The following HAL variants were observed in gnomAD, a reference collection of about 807,000 sequenced individuals.
The protein encoded by HAL is histidine ammonia-lyase, also known as histidase.
HAL carries 85 observed loss-of-function variants against 81.1 expected under a neutral mutation model. That is an observed-to-expected ratio of 1.05 (90% confidence interval 0.88 to 1.25). The LOEUF (loss-of-function observed/expected upper bound fraction) is 1.25. Ranked by LOEUF, HAL falls within the 50% of genes most tolerant of loss-of-function variation. The pLI, the probability that HAL is intolerant of heterozygous loss-of-function variation, is 0.00. For missense variants in HAL, 798 were observed against 836.6 expected (o/e 0.95, Z 0.57); for synonymous variants, 301 against 309.2 (o/e 0.97, Z 0.28).
intron 12 of HAL, 37 bp downstream of exon 12, chr12:95,987,030 T>C: frequency 6.3e-7 from 1 of 1,586,906 alleles, no homozygotes; most frequent in South Asian, 1.1e-5. Flanking sequence ...CACCTCTGGT[T>C]GAATGAATAA....
chr12:95,981,711 T>C (rs1057224230), intron 15 of HAL, among the ~76,000 whole-genome samples: 2 of 152,186 alleles, frequency 1.3e-5, no homozygotes, highest in African/African-American at 4.8e-5. Context: ...CAGCCCACCT[T>C]GGCCTCCCAA....
Position 95,978,024 on chromosome 12 carries a change from C to G in HAL, c.1574G>C (p.Ser525Thr). ...HPSSVDSLST[S>T]AATEDHVSMG... is the part of the protein sequence containing the mutation. The stretch of plus-strand genomic sequence containing the variant: ...GGAGACGTGGTCCTCCGTGGCTGCG[C>G]TGGTGGAGAGGGAGTCAACAGACGA... Residue 525 changes from serine (S) to threonine (T), a missense_variant, in exon 18 of 21, where the codon AGC becomes ACC. Physicochemically the swap from Ser to Thr is moderately conservative, Grantham distance 58. Transcript: ENST00000261208. 1 of 1,613,526 alleles carries G rather than the reference C, an allele frequency of 6.2e-7. No individual in the cohort carries two copies. Among genetic ancestry groups the G allele is most frequent in the Non-Finnish European group, 8.5e-7 (1 of 1,179,390 alleles).
At position 95,986,045 on chromosome 12, in the gene HAL, T is replaced by G; in HGVS notation, c.1147+20A>C. 1.3e-6 allele frequency: 2 copies of G among 1,579,298 alleles called. No homozygotes were observed. The highest frequency in any genetic ancestry group is 1.7e-6 in the Non-Finnish European group (2 of 1,148,324). Reference sequence around the variant, plus strand: ...CAAAACACGTAACCAAATAGGTCACTCCCATAAACATGGTCAGACCTGCTA... The same window carrying G: ...CAAAACACGTAACCAAATAGGTCACGCCCATAAACATGGTCAGACCTGCTA... On this transcript the variant is annotated intron_variant, in intron 13 of 20. Transcript: ENST00000261208.
Position 95,992,755 on chromosome 12 carries a change from T to G in HAL, c.640A>C (p.Arg214=), listed in dbSNP as rs1949987338. 1 of 1,612,796 alleles carries G rather than the reference T, an allele frequency of 6.2e-7. No homozygotes were observed. The highest frequency in any genetic ancestry group is 2.2e-5 in the East Asian group (1 of 44,878). Reference sequence around the variant, plus strand: ...TATCCTTTGGCTAAGACATTGATCCTTAAAGCCAAGAGCATCCGACACCTC... The same window carrying G: ...TATCCTTTGGCTAAGACATTGATCCGTAAAGCCAAGAGCATCCGACACCTC... ...PERCRMLLAL[R]INVLAKGYSG... Residue 214 remains arginine, a synonymous_variant, in exon 9 of 21, where the codon AGG becomes CGG. Coordinates refer to ENST00000261208, the MANE Select transcript of HAL (RefSeq NM_002108.4).
chr12:95,995,639 G>A, intron 2 of HAL, 25 bp downstream of exon 2: 1 of 1,611,926 alleles, frequency 6.2e-7, no homozygotes, highest in Non-Finnish European at 8.5e-7. Flanking sequence ...GCACCCGTTC[G>A]CGGCCCTCTC....
In HAL at chr12:95,979,117, A is replaced by G. The variant is rs373123986; in HGVS notation, c.1520-1039T>C. ...ACACTAATTTTACTACAATGAAAGCAAGCCAAACAACCTCAATAGGCAGCT... is the reference window on the plus strand; with the variant it reads ...ACACTAATTTTACTACAATGAAAGCGAGCCAAACAACCTCAATAGGCAGCT... On this transcript the variant is annotated intron_variant, in intron 17 of 20. Coordinates refer to ENST00000261208, the MANE Select transcript of HAL (RefSeq NM_002108.4). Among the ~76,000 whole-genome samples, 54 of 152,378 alleles carry G rather than the reference A, an allele frequency of 3.5e-4. 1 individual carries two copies. The South Asian group carries it at 7.0e-3, about 20-fold the overall frequency.
intron 19 of HAL, 38 bp downstream of exon 19, chr12:95,976,560 T>C (rs1197418309): frequency 6.3e-7 from 1 of 1,591,206 alleles, no homozygotes; most frequent in Non-Finnish European, 8.6e-7. Flanking sequence ...TTCACAGTGC[T>C]GAACTGATGT....
intron 15 of HAL, 186 bp downstream of exon 15, chr12:95,983,725 C>T (rs1949840556): frequency 1.6e-6 from 1 of 626,762 alleles, no homozygotes; most frequent in Non-Finnish European, 2.9e-6. Context: ...TCACAGGTCA[C>T]CTCTGCCACT....
chr12:95,992,457 AG>A (rs148372080), intron 9 of HAL, among the ~76,000 whole-genome samples: 3,492 of 152,336 alleles, frequency 0.023, 128 homozygotes, highest in African/African-American at 0.08. Flanking sequence ...TGCTAGGGAA[AG>A]GGTCTTGCAG....
At position 95,995,849 on chromosome 12, in the gene HAL, T is replaced by C. The variant is rs1287529711; in HGVS notation, c.62A>G (p.Gln21Arg). ...EWLAVPCQDA[Q>R]LTVGWLGREA... ...CCGGCCCAGCCAGCCCACAGTGAGCTGCGCGTCCTGGCAGGGCACTGCCAG... is the reference window on the plus strand; with the variant it reads ...CCGGCCCAGCCAGCCCACAGTGAGCCGCGCGTCCTGGCAGGGCACTGCCAG... The change falls in exon 2 of 21, where the codon CAG (glutamine) becomes CGG (arginine). Residue 21 changes from glutamine (Q) to arginine (R), a missense_variant. Coordinates refer to ENST00000261208, the MANE Select transcript of HAL (RefSeq NM_002108.4). 1 of 1,610,244 alleles carries C rather than the reference T, an allele frequency of 6.2e-7. No individual in the cohort carries two copies. Among genetic ancestry groups the C allele is most frequent in the East Asian group, 2.2e-5 (1 of 44,884 alleles).
chr12:95,988,132 G>T, intron 11 of HAL, 61 bp downstream of exon 11: 1 of 853,792 alleles, frequency 1.2e-6, no homozygotes, highest in Non-Finnish European at 2.0e-6. Context: ...GATTAAAACT[G>T]AAAATACTGC....
chr12:95,974,767 T>G (rs1320519011), intron 20 of HAL, among the ~76,000 whole-genome samples: 1 of 151,954 alleles, frequency 6.6e-6, no homozygotes, highest in African/African-American at 2.4e-5. Flanking sequence ...TGAGACAGAG[T>G]CTCACTCTGT....
Position 95,995,248 on chromosome 12 carries a change from A to G in HAL, c.248-255T>C, listed in dbSNP as rs922577446. The stretch of plus-strand genomic sequence containing the variant: ...GAATTCCACTTCCATCCCCATTCCC[A>G]GCTTTATTTTCTTCAAAATCTGAAC... On this transcript the variant is annotated intron_variant, in intron 2 of 20. Coordinates refer to ENST00000261208, the MANE Select transcript of HAL (RefSeq NM_002108.4). 6.8e-6 allele frequency: 4 copies of G among 588,920 alleles called. No individual in the cohort carries two copies. In the African/African-American group the frequency reaches 7.5e-5, roughly 11 times the overall value. 36.5% of individuals were successfully genotyped at this position (588,920 alleles called of 1,614,324 possible).
Position 95,980,781 on chromosome 12 carries a change from A to T in HAL, c.1353+17T>A. ...GAAATGTGCCTTCTGGGTCAGGAGCAGTTTTAAAAAGCTTACTTTGGCTGG... is the reference window on the plus strand; with the variant it reads ...GAAATGTGCCTTCTGGGTCAGGAGCTGTTTTAAAAAGCTTACTTTGGCTGG... On this transcript the variant is annotated intron_variant, in intron 16 of 20. Coordinates refer to ENST00000261208, the MANE Select transcript of HAL (RefSeq NM_002108.4). The T allele has an allele frequency of 6.3e-7, 1 of 1,589,232 alleles. No individual in the cohort carries two copies. The highest frequency in any genetic ancestry group is 8.6e-7 in the Non-Finnish European group (1 of 1,157,642).
rs1242202740 is a variant in HAL, at chr12:95,990,547, G to T, written c.716-15C>A. ...CAGGCAGGAGGCTGGGAGAGAAGTA[G>T]GCAGCAATTAGTTCAAGAGTACTGC... On this transcript the variant is annotated splice_polypyrimidine_tract_variant and intron_variant, in intron 9 of 20. Coordinates refer to ENST00000261208, the MANE Select transcript of HAL (RefSeq NM_002108.4). 1.2e-6 allele frequency: 2 copies of T among 1,611,732 alleles called. No individual in the cohort carries two copies. The highest frequency in any genetic ancestry group is 3.3e-5 in the Admixed American group (2 of 60,026).
At chr12:95,995,201 G>A (rs775762365) in intron 2 of HAL, 61 of 618,242 alleles carry the variant, frequency 9.9e-5, no homozygotes, top group South Asian at 2.3e-4. Flanking sequence ...GAGACCAGGG[G>A]TTTAGATGAA....
Position 95,986,178 on chromosome 12 carries a change from GA to G in HAL, c.1052-19del. 1 of 1,312,130 alleles carries G rather than the reference GA, an allele frequency of 7.6e-7. No individual in the cohort carries two copies. The highest frequency in any genetic ancestry group is 1.2e-5 in the South Asian group (1 of 84,992). 81.3% of individuals were successfully genotyped at this position (1,312,130 alleles called of 1,614,324 possible). On this transcript the variant is annotated intron_variant, in intron 12 of 20. Coordinates refer to ENST00000261208, the MANE Select transcript of HAL (RefSeq NM_002108.4). Reference sequence around the variant, plus strand: ...ATGAATGTCTAGAATTGATGAAGGAGAAAAAGTCTGAATAATTCCATTTATT... The same window carrying G: ...ATGAATGTCTAGAATTGATGAAGGAGAAAAGTCTGAATAATTCCATTTATT...
chr12:95,986,433 A>G (rs1233311912), intron 12 of HAL, among the ~76,000 whole-genome samples: 1 of 152,162 alleles, frequency 6.6e-6, no homozygotes, highest in Non-Finnish European at 1.5e-5. Context: ...GCCACCACTC[A>G]GAATTAGAAA....
chr12:95,991,250 TTTTTTG>T (rs963203931), intron 9 of HAL, among the ~76,000 whole-genome samples: 2 of 152,220 alleles, frequency 1.3e-5, no homozygotes, highest in Non-Finnish European at 2.9e-5. Flanking sequence ...CTAGCTGTTT[TTTTTTG>T]TTTTTGTTTT....
Sources: gnomAD v4.1 joint callset for allele counts (sites outside exome capture counted in the v4.1 genomes callset) on GRCh38, gnomAD v4.1.1 for gene constraint, MANE v1.5 for transcripts, NCBI Gene and HGNC (gene_info 2026-07-23, HGNC 2026-07-21) for gene names.